PRR16: variants seen among roughly 807,000 people sequenced by gnomAD.
PRR16 encodes protein Largen.
In PRR16, 6 loss-of-function variants were observed where a neutral mutation model predicts 18.2. The ratio of observed to expected loss-of-function variants is 0.33; its 90% CI spans 0.18 to 0.65. The LOEUF (loss-of-function observed/expected upper bound fraction) is 0.65. PRR16 is among the 30% of genes least tolerant of loss of function. PRR16 has a pLI of 0.74. For missense variants in PRR16, 412 were observed against 376.6 expected (o/e 1.09, Z -0.78); for synonymous variants, 151 against 147.8 (o/e 1.02, Z -0.16).
rs145849831 is a variant in PRR16 at position 120,622,399 on chromosome 5, T to C, written c.160-63555T>C. Among the ~76,000 whole-genome samples the C allele has an allele frequency of 1.7e-4, 26 of 152,234 alleles. No homozygotes were observed. In the East Asian group the frequency reaches 4.8e-3, roughly 28 times the overall value. Reference sequence around the variant, plus strand: ...TGTGTCTTATTCATTACTCTAATATTGTCTTCTGAGAGCAAAGCATGACAA... The same window carrying C: ...TGTGTCTTATTCATTACTCTAATATCGTCTTCTGAGAGCAAAGCATGACAA... On this transcript the variant is annotated intron_variant, in intron 1 of 1. Coordinates refer to ENST00000407149, the MANE Select transcript of PRR16 (RefSeq NM_001300783.2).
chr5:120,686,085 G>A lies in PRR16; in HGVS notation c.291G>A (p.Val97=). ...TTASSLEKIK[V]QANAPLIKPP... Reference sequence around the variant, plus strand: ...CCTCCAGCCTAGAGAAGATCAAAGTGCAGGCTAATGCACCGCTTATTAAAC... The same window carrying A: ...CCTCCAGCCTAGAGAAGATCAAAGTACAGGCTAATGCACCGCTTATTAAAC... The change falls in exon 2 of 2, where the codon GTG becomes GTA. Residue 97 remains valine (V), a synonymous_variant. Coordinates refer to ENST00000407149, the MANE Select transcript of PRR16 (RefSeq NM_001300783.2). 6.2e-7 allele frequency: 1 copy of A among 1,614,110 alleles called. No individual in the cohort carries two copies. Among genetic ancestry groups the A allele is most frequent in the Non-Finnish European group, 8.5e-7 (1 of 1,180,010 alleles).
At chr5:120,779,865 G>A in the PRR16 span, among the ~76,000 whole-genome samples, 2 of 152,110 alleles carry the variant, frequency 1.3e-5, no homozygotes, top group African/African-American at 4.8e-5. Flanking sequence ...CCATCGACGT[G>A]TGCCAAGTAG....
At position 120,567,855 on chromosome 5, in the gene PRR16, G is replaced by A. The variant is rs116791481; in HGVS notation, c.159+103210G>A. ...TTTATTTATAAATTACCCAGTCTCT[G>A]TTAGTTCTTTATAGCAGTGTGAGAA... On this transcript the variant is annotated intron_variant, in intron 1 of 1. Coordinates refer to ENST00000407149, the MANE Select transcript of PRR16 (RefSeq NM_001300783.2). Among the ~76,000 whole-genome samples, 1,155 of 152,200 alleles carry A rather than the reference G, an allele frequency of 7.6e-3. 18 individuals carry two copies. Among genetic ancestry groups the A allele is most frequent in the African/African-American group, 0.027 (1,105 of 41,520 alleles).
At chr5:120,592,062 T>C in intron 1 of PRR16, among the ~76,000 whole-genome samples, 1 of 151,392 alleles carries the variant, frequency 6.6e-6, no homozygotes, top group South Asian at 2.1e-4. Flanking sequence ...TGGACGTCTA[T>C]CACTTTCATC....
the PRR16 span, among the ~76,000 whole-genome samples, chr5:120,695,768 G>A: frequency 2.0e-5 from 3 of 152,116 alleles, no homozygotes; most frequent in South Asian, 2.1e-4. Context: ...CAGCTGAGTA[G>A]TCTAATTACT....
chr5:120,681,744 A>G (rs1417050532), intron 1 of PRR16, among the ~76,000 whole-genome samples: 1 of 152,162 alleles, frequency 6.6e-6, no homozygotes, highest in Admixed American at 6.5e-5. Flanking sequence ...AACATTCCCA[A>G]TTATTTTTCA....
At chr5:120,564,166 CA>C (rs1752662050) in intron 1 of PRR16, among the ~76,000 whole-genome samples, 7 of 152,100 alleles carry the variant, frequency 4.6e-5, no homozygotes, top group Admixed American at 4.6e-4. Context: ...TCCTCTTAAG[CA>C]GAAGGAATGA....
Position 120,541,689 on chromosome 5 carries a change from T to G in PRR16, c.159+77044T>G, listed in dbSNP as rs543326591. 2.0e-5 allele frequency among the ~76,000 whole-genome samples: 3 copies of G among 152,326 alleles called. No homozygotes were observed. The South Asian group carries it at 6.2e-4, about 32-fold the overall frequency. ...TAATATTTAGAGTTTTATACTTTCA[T>G]TTCTGCCTTCTTTTTTTATAATGAA... On this transcript the variant is annotated intron_variant, in intron 1 of 1. Transcript: ENST00000407149.
the PRR16 span, among the ~76,000 whole-genome samples, chr5:120,746,188 G>C: frequency 6.6e-6 from 1 of 150,400 alleles, no homozygotes; most frequent in Non-Finnish European, 1.5e-5. Flanking sequence ...TACAATGATT[G>C]ACACTGAAAC....
the PRR16 span, among the ~76,000 whole-genome samples, chr5:120,735,167 C>T: frequency 2.0e-5 from 3 of 152,294 alleles, no homozygotes; most frequent in East Asian, 1.9e-4. Flanking sequence ...AAAGTTCATT[C>T]ATGTTGTACC....
chr5:120,529,316 G>A (rs1352994582), intron 1 of PRR16, among the ~76,000 whole-genome samples: 1 of 152,128 alleles, frequency 6.6e-6, no homozygotes, highest in African/African-American at 2.4e-5. Context: ...AATTGATGCG[G>A]AGGCACAGGG....
At chr5:120,596,995 C>T (rs1216313321) in intron 1 of PRR16, among the ~76,000 whole-genome samples, 2 of 151,626 alleles carry the variant, frequency 1.3e-5, no homozygotes, top group Non-Finnish European at 3.0e-5. Flanking sequence ...TTTATCTACT[C>T]ACCTGTTGAG....
intron 1 of PRR16, among the ~76,000 whole-genome samples, chr5:120,517,150 A>G (rs753825861): frequency 6.6e-6 from 1 of 152,192 alleles, no homozygotes; most frequent in Non-Finnish European, 1.5e-5. Flanking sequence ...AAATATTACA[A>G]CAGAGAATAT....
At chr5:120,542,610 CAG>C (rs1042878976) in intron 1 of PRR16, among the ~76,000 whole-genome samples, 2 of 152,040 alleles carry the variant, frequency 1.3e-5, no homozygotes, top group African/African-American at 4.8e-5. Context: ...AAAACAAAAA[CAG>C]ACAAAAAATG....
chr5:120,754,231 A>ATAATT, the PRR16 span, among the ~76,000 whole-genome samples: 258 of 87,558 alleles, frequency 2.9e-3, 2 homozygotes, highest in South Asian at 0.01. Context: ...TATATAATAT[A>ATAATT]ATATATAATT....
At chr5:120,605,866 G>A (rs1391701898) in intron 1 of PRR16, among the ~76,000 whole-genome samples, 1 of 152,148 alleles carries the variant, frequency 6.6e-6, no homozygotes, top group Non-Finnish European at 1.5e-5. Flanking sequence ...GTCCCTGGAG[G>A]TCAAGCACCT....
chr5:120,759,162 G>A, the PRR16 span, among the ~76,000 whole-genome samples: 1 of 151,778 alleles, frequency 6.6e-6, no homozygotes, highest in Admixed American at 6.6e-5. Flanking sequence ...ATTTTTAGTA[G>A]AGACAGGGTT....
At chr5:120,631,163 A>T (rs7713622) in intron 1 of PRR16, among the ~76,000 whole-genome samples, 63,927 of 151,830 alleles carry the variant, frequency 0.42, 14,360 homozygotes, top group East Asian at 0.86. Context: ...ATTATATATC[A>T]TGACAGTAAA....
chr5:120,716,202 T>A, the PRR16 span, among the ~76,000 whole-genome samples: 6 of 152,276 alleles, frequency 3.9e-5, no homozygotes, highest in African/African-American at 1.2e-4. Flanking sequence ...GTCAAACCCT[T>A]TTCCAAATCT....
Sources: gnomAD v4.1 joint callset for allele counts (sites outside exome capture counted in the v4.1 genomes callset) on GRCh38, gnomAD v4.1.1 for gene constraint, MANE v1.5 for transcripts, NCBI Gene and HGNC (gene_info 2026-07-23, HGNC 2026-07-21) for gene names.